Variants in RPN1 observed in about 807,000 individuals in gnomAD.
The protein encoded by RPN1 is ribophorin I.
A neutral mutation model predicts 55.5 loss-of-function variants in RPN1; 12 were observed. That is an observed-to-expected ratio of 0.22 (90% CI 0.14 to 0.35). The LOEUF is 0.35. RPN1 is among the 10% of genes least tolerant of loss of function. The pLI is 1.00. For missense variants in RPN1, 679 were observed against 761.3 expected (o/e 0.89, Z 1.27); for synonymous variants, 317 against 305.9 (o/e 1.04, Z -0.38).
chr3:128,650,476 G>A, intron 1 of RPN1, 64 bp downstream of exon 1: 3 of 1,453,662 alleles, frequency 2.1e-6, no homozygotes, highest in Non-Finnish European at 2.7e-6. Flanking sequence ...CGGAGTCGGG[G>A]GACCGCCAGG....
intron 3 of RPN1, among the ~76,000 whole-genome samples, chr3:128,635,434 G>A (rs908292597): frequency 6.6e-6 from 1 of 151,430 alleles, no homozygotes; most frequent in Admixed American, 6.6e-5. Flanking sequence ...CCTAGTAGAT[G>A]GGACTAGAGT....
chr3:128,650,163 G>A (rs1650359154), intron 1 of RPN1, among the ~76,000 whole-genome samples: 1 of 152,248 alleles, frequency 6.6e-6, no homozygotes, highest in African/African-American at 2.4e-5. Context: ...TTACGGAAGG[G>A]AGGTGCGTTC....
chr3:128,635,706 CA>C (rs2069676955), intron 3 of RPN1, among the ~76,000 whole-genome samples: 1 of 147,484 alleles, frequency 6.8e-6, no homozygotes, highest in African/African-American at 2.5e-5. Context: ...CACACACACA[CA>C]CACACACACG....
intron 7 of RPN1, 75 bp downstream of exon 7, chr3:128,625,799 G>A (rs1487838756): frequency 1.2e-5 from 18 of 1,556,718 alleles, no homozygotes. Flanking sequence ...AGGAGGGACA[G>A]AAGGTGAGTT....
chr3:128,630,204 T>C, intron 4 of RPN1, 61 bp from the exon 5 acceptor site: 1 of 1,182,548 alleles, frequency 8.5e-7, no homozygotes, highest in South Asian at 1.4e-5. Context: ...GAAATGATCC[T>C]AAACACAGAA....
At chr3:128,640,836 C>A (rs2069719043) in intron 2 of RPN1, among the ~76,000 whole-genome samples, 1 of 151,472 alleles carries the variant, frequency 6.6e-6, no homozygotes, top group Non-Finnish European at 1.5e-5. Context: ...TCCTATTAAT[C>A]TCCTAATCTC....
At position 128,622,277 on chromosome 3, in the gene RPN1, A is replaced by T; in HGVS notation, c.1528T>A (p.Ser510Thr). 6.2e-7 allele frequency: 1 copy of T among 1,614,234 alleles called. No homozygotes were observed. The highest frequency in any genetic ancestry group is 2.2e-5 in the East Asian group (1 of 44,886). Reference sequence around the variant, plus strand: ...CTCTTCTTGCCACTGTTGAGGGTGGAGATGTCCCGGGATTGCTTGTACCTA... The same window carrying T: ...CTCTTCTTGCCACTGTTGAGGGTGGTGATGTCCCGGGATTGCTTGTACCTA... ...VNRYKQSRDI[S>T]TLNSGKKSLE... is the part of the protein sequence containing the mutation. Residue 510 changes from serine to threonine, a missense_variant, in exon 9 of 10, where the codon TCC (serine) becomes ACC (threonine). This residue lies in a region of RPN1 where 306 missense variants were observed against 360.0 expected (regional missense o/e 0.85). Transcript: ENST00000296255.
chr3:128,634,214 G>A (rs1228940399), intron 3 of RPN1, among the ~76,000 whole-genome samples: 1 of 151,756 alleles, frequency 6.6e-6, no homozygotes, highest in Non-Finnish European at 1.5e-5. Context: ...GTAAGTCCCA[G>A]CTACTGGGGA....
At chr3:128,626,940 C>A (rs557626215) in intron 5 of RPN1, 108 bp from the exon 6 acceptor site, 10 of 936,692 alleles carry the variant, frequency 1.1e-5, no homozygotes, top group Middle Eastern at 2.1e-4. Context: ...GACAGCAAAA[C>A]CAAAAACCCA....
intron 2 of RPN1, among the ~76,000 whole-genome samples, chr3:128,642,077 C>T (rs539618379): frequency 2.0e-5 from 3 of 152,260 alleles, no homozygotes; most frequent in South Asian, 2.1e-4. Context: ...CTATCCAAGA[C>T]GCTACAAGCC....
intron 3 of RPN1, among the ~76,000 whole-genome samples, chr3:128,633,995 T>C (rs533886463): frequency 1.4e-4 from 21 of 147,142 alleles, no homozygotes; most frequent in Admixed American, 6.8e-4. Context: ...AAAAAACAAA[T>C]AAACAAACAA....
chr3:128,637,403 C>T (rs1016652449), intron 3 of RPN1, among the ~76,000 whole-genome samples: 2 of 152,102 alleles, frequency 1.3e-5, no homozygotes, highest in Non-Finnish European at 2.9e-5. Flanking sequence ...CTTTGTAAGC[C>T]TTAATTGCTC....
chr3:128,649,794 G>A (rs1177379400), intron 1 of RPN1, among the ~76,000 whole-genome samples: 1 of 152,116 alleles, frequency 6.6e-6, no homozygotes, highest in African/African-American at 2.4e-5. Flanking sequence ...CAGGGGGAAG[G>A]GAGAAAATTG....
In RPN1 at chr3:128,622,273, G is replaced by A. The variant is rs754938131; in HGVS notation, c.1532C>T (p.Thr511Ile). The change falls in exon 9 of 10, where the codon ACC (threonine) becomes ATC (isoleucine). Residue 511 changes from threonine to isoleucine, a missense_variant. Physicochemically the swap from Thr to Ile is moderately conservative, Grantham distance 89. Coordinates refer to ENST00000296255, the MANE Select transcript of RPN1 (RefSeq NM_002950.4). ...NRYKQSRDIS[T>I]LNSGKKSLET... is the part of the protein sequence containing the mutation. The stretch of plus-strand genomic sequence containing the variant: ...CAGGCTCTTCTTGCCACTGTTGAGG[G>A]TGGAGATGTCCCGGGATTGCTTGTA... The A allele has an allele frequency of 2.0e-5, 33 of 1,614,112 alleles. No homozygotes were observed.
At chr3:128,635,248 T>C (rs1043734552) in intron 3 of RPN1, among the ~76,000 whole-genome samples, 2 of 151,622 alleles carry the variant, frequency 1.3e-5, no homozygotes, top group Non-Finnish European at 2.9e-5. Flanking sequence ...AAAGCTAACA[T>C]AAATGGTTAC....
intron 2 of RPN1, among the ~76,000 whole-genome samples, chr3:128,641,907 G>C (rs2069728597): frequency 6.6e-6 from 1 of 152,032 alleles, no homozygotes; most frequent in Admixed American, 6.6e-5. Flanking sequence ...CACCACGCCT[G>C]GCCAATTTAG....
chr3:128,633,763 T>G (rs2069658019), intron 3 of RPN1, among the ~76,000 whole-genome samples: 1 of 151,988 alleles, frequency 6.6e-6, no homozygotes, highest in Non-Finnish European at 1.5e-5. Context: ...GGCGGGCAGA[T>G]CACAAGGTCA....
In RPN1 at chr3:128,620,219, A is replaced by T; in HGVS notation, c.*192T>A. ...TTTTAAAGTTTTCTTTTTTTAAAAA[A>T]AAAAAAAAAGAAAGTTAAGGACAAA... On this transcript the variant is annotated 3_prime_UTR_variant, in exon 10 of 10. Coordinates refer to ENST00000296255, the MANE Select transcript of RPN1 (RefSeq NM_002950.4). The T allele has an allele frequency of 5.0e-6, 2 of 401,626 alleles. No individual in the cohort carries two copies. Among genetic ancestry groups the T allele is most frequent in the Non-Finnish European group, 8.7e-6 (2 of 231,076 alleles). The allele number at this position is 401,626 out of a possible 1,614,324, so 24.9% of individuals were successfully genotyped here. A position where few individuals can be genotyped will look rare whatever the true frequency, so the allele number is the denominator to read the frequency against.
At chr3:128,643,404 C>A (rs1247918821) in intron 2 of RPN1, among the ~76,000 whole-genome samples, 1 of 151,912 alleles carries the variant, frequency 6.6e-6, no homozygotes, top group African/African-American at 2.4e-5. Flanking sequence ...TGGCTCACAC[C>A]TGTAATCCCC....
Sources: allele counts gnomAD v4.1 joint callset (sites outside exome capture counted in the v4.1 genomes callset), GRCh38; gene constraint gnomAD v4.1.1; regional missense constraint gnomAD v4.1.1; transcripts MANE v1.5; gene names NCBI Gene and HGNC (gene_info 2026-07-23, HGNC 2026-07-21).